The following INSL6 variants were observed in gnomAD, a reference collection of about 807,000 sequenced individuals.
INSL6 encodes the protein insulin like 6.
In INSL6, 16 loss-of-function variants were observed where a neutral mutation model predicts 9.4. The observed-to-expected ratio is 1.70, with a 90% CI of 1.15 to 2.59. The LOEUF (loss-of-function observed/expected upper bound fraction) is 2.59, where lower values mean the gene tolerates loss of function less well. INSL6 is among the 30% of genes most tolerant of loss of function. INSL6 has a pLI of 0.00. For synonymous variants in INSL6, 154 were observed against 96.9 expected (o/e 1.59, Z -3.46); for missense variants, 391 against 257.3 (o/e 1.52, Z -3.56).
chr9:5,052,332 T>G, the INSL6 span, among the ~76,000 whole-genome samples: 45 of 152,116 alleles, frequency 3.0e-4, no homozygotes, highest in Admixed American at 1.0e-3. Flanking sequence ...AATGACTATT[T>G]AGTAACTATT....
chr9:5,146,773 T>C (rs943554073), intron 2 of INSL6, among the ~76,000 whole-genome samples: 1 of 152,040 alleles, frequency 6.6e-6, no homozygotes, highest in Admixed American at 6.5e-5. Flanking sequence ...TTGTGTGGGT[T>C]TGGGGGAAGC....
chr9:5,130,975 C>T (rs1048154692), intron 3 of INSL6, among the ~76,000 whole-genome samples: 11 of 151,772 alleles, frequency 7.2e-5, no homozygotes, highest in South Asian at 4.1e-4. Flanking sequence ...ATGATCCGCC[C>T]GCCTCGGCCT....
the INSL6 span, among the ~76,000 whole-genome samples, chr9:5,022,834 T>G: frequency 1.3e-5 from 2 of 152,228 alleles, no homozygotes; most frequent in Non-Finnish European, 2.9e-5. Flanking sequence ...TTTTAAATGT[T>G]CTTTTAATAG....
the INSL6 span, among the ~76,000 whole-genome samples, chr9:5,016,072 C>A: frequency 3.6e-4 from 55 of 152,040 alleles, no homozygotes; most frequent in Non-Finnish European, 5.1e-4. Flanking sequence ...AGAGGCAGGT[C>A]CAGGATGTTA....
the INSL6 span, among the ~76,000 whole-genome samples, chr9:5,117,924 A>T: frequency 6.6e-6 from 1 of 152,220 alleles, no homozygotes; most frequent in African/African-American, 2.4e-5. Flanking sequence ...TTAAGTATAT[A>T]TGCTCACTAA....
At chr9:5,009,212 A>C in the INSL6 span, among the ~76,000 whole-genome samples, 5 of 149,308 alleles carry the variant, frequency 3.3e-5, no homozygotes, top group Non-Finnish European at 6.1e-5. Flanking sequence ...AGCAGGTGTT[A>C]AACACCTGTG....
intron 3 of INSL6, chr9:5,126,756 C>G: frequency 1.2e-6 from 2 of 1,609,924 alleles, no homozygotes; most frequent in Non-Finnish European, 1.7e-6. Flanking sequence ...TCTAGCTCTT[C>G]GAGTGGATCA....
the INSL6 span, among the ~76,000 whole-genome samples, chr9:5,006,409 C>G: frequency 6.6e-6 from 1 of 152,054 alleles, no homozygotes; most frequent in Non-Finnish European, 1.5e-5. Flanking sequence ...ATGGGGTTTT[C>G]TAGATATACA....
chr9:5,081,827 A>G, the INSL6 span: 1 of 1,613,712 alleles, frequency 6.2e-7, no homozygotes, highest in Non-Finnish European at 8.5e-7. Flanking sequence ...CAGTTTGAAG[A>G]GAGACATTTG....
At chr9:5,090,805 G>C in the INSL6 span, 2 of 1,613,414 alleles carry the variant, frequency 1.2e-6, no homozygotes, top group African/African-American at 2.7e-5. Flanking sequence ...TATATTGGTG[G>C]AGAACGAGAA....
At chr9:5,175,075 G>T (rs1442104741) in intron 1 of INSL6, among the ~76,000 whole-genome samples, 1 of 152,002 alleles carries the variant, frequency 6.6e-6, no homozygotes, top group Non-Finnish European at 1.5e-5. Context: ...GAGTAGCTGG[G>T]ACTACAGGTG....
intron 1 of INSL6, among the ~76,000 whole-genome samples, chr9:5,167,722 C>G (rs1471005830): frequency 2.0e-5 from 3 of 152,212 alleles, no homozygotes; most frequent in African/African-American, 7.2e-5. Context: ...GCCAGCACAA[C>G]ACACCTGCTC....
chr9:5,031,395 G>T, the INSL6 span, among the ~76,000 whole-genome samples: 1 of 152,166 alleles, frequency 6.6e-6, no homozygotes, highest in Non-Finnish European at 1.5e-5. Context: ...GATGGGGCCA[G>T]TATATCTTGA....
the INSL6 span, chr9:5,077,499 T>C: frequency 7.1e-7 from 1 of 1,415,812 alleles, no homozygotes; most frequent in Non-Finnish European, 9.5e-7. Flanking sequence ...TAGATACATA[T>C]CTGAAAAAGA....
the INSL6 span, among the ~76,000 whole-genome samples, chr9:5,046,209 T>C: frequency 6.6e-6 from 1 of 152,220 alleles, no homozygotes; most frequent in Admixed American, 6.5e-5. Context: ...GCTATTTGTT[T>C]ATCTTCTTTG....
At chr9:5,060,321 G>A in the INSL6 span, among the ~76,000 whole-genome samples, 1 of 152,128 alleles carries the variant, frequency 6.6e-6, no homozygotes, top group Non-Finnish European at 1.5e-5. Context: ...TGCATCAGTA[G>A]ACTCTTCATT....
the INSL6 span, chr9:5,112,558 G>A: frequency 3.2e-6 from 2 of 625,994 alleles, no homozygotes; most frequent in Non-Finnish European, 5.6e-6. Context: ...GGCCAATAAC[G>A]CCAGGGAGCG....
chr9:5,090,476 AT>A, the INSL6 span: 1 of 1,573,572 alleles, frequency 6.4e-7, no homozygotes. Flanking sequence ...ATTATGGAAT[AT>A]TTACCATATG....
At chr9:5,110,923 C>G in the INSL6 span, 1 of 571,370 alleles carries the variant, frequency 1.8e-6, no homozygotes, top group South Asian at 1.5e-5. Context: ...AATGAACCAG[C>G]CGCAGAGGAT....
Sources: gnomAD v4.1 joint callset for allele counts (sites outside exome capture counted in the v4.1 genomes callset) on GRCh38, gnomAD v4.1.1 for gene constraint, MANE v1.5 for transcripts, NCBI Gene and HGNC (gene_info 2026-07-23, HGNC 2026-07-21) for gene names.